AZIN2: variants seen among roughly 807,000 people sequenced by gnomAD.
The protein encoded by AZIN2 is ODC antizyme inhibitor-2.
In AZIN2, 28 loss-of-function variants were observed where a neutral mutation model predicts 47.8. The observed-to-expected ratio is 0.59, with a 90% confidence interval of 0.43 to 0.80. AZIN2 has a LOEUF of 0.80. AZIN2 is among the 30% of genes least tolerant of loss of function. The pLI is 0.00. For synonymous variants in AZIN2, 221 were observed against 239.4 expected (o/e 0.92, Z 0.71); for missense variants, 535 against 582.5 (o/e 0.92, Z 0.84).
the AZIN2 span, among the ~76,000 whole-genome samples, chr1:33,162,484 C>T: frequency 1.3e-5 from 2 of 152,216 alleles, no homozygotes; most frequent in Admixed American, 6.5e-5. Context: ...AGTAAGTGGG[C>T]CCCTGCTGGG....
the AZIN2 span, among the ~76,000 whole-genome samples, chr1:33,155,262 G>A: frequency 6.6e-6 from 1 of 151,766 alleles, no homozygotes; most frequent in African/African-American, 2.4e-5. Context: ...AGTAGAGACG[G>A]GGTTTCACCA....
At chr1:33,087,225 C>T (rs1021526877) in intron 5 of AZIN2, among the ~76,000 whole-genome samples, 2 of 151,854 alleles carry the variant, frequency 1.3e-5, no homozygotes, top group African/African-American at 4.8e-5. Flanking sequence ...CCTCCACCTC[C>T]CGGGTTCAAG....
chr1:33,127,770 C>A (rs1644867533), downstream of AZIN2, among the ~76,000 whole-genome samples: 2 of 152,208 alleles, frequency 1.3e-5, no homozygotes, highest in African/African-American at 4.8e-5. Flanking sequence ...ATATAAAGGT[C>A]TTTGAAATAA....
intron 10 of AZIN2, among the ~76,000 whole-genome samples, chr1:33,114,714 T>C (rs189547868): frequency 7.4e-6 from 1 of 134,482 alleles, no homozygotes; most frequent in Admixed American, 8.2e-5. Flanking sequence ...TGGAGTGCAA[T>C]GGCTGGATCT....
chr1:33,109,949 G>A (rs544144593), intron 10 of AZIN2, among the ~76,000 whole-genome samples: 1 of 152,256 alleles, frequency 6.6e-6, no homozygotes, highest in African/African-American at 2.4e-5. Flanking sequence ...GCTGAATCAT[G>A]GTAGCATTGA....
chr1:33,113,463 T>G lies in AZIN2; in HGVS notation c.1030-4439T>G, dbSNP rs546616986. On this transcript the variant is annotated intron_variant, in intron 10 of 11. Transcript: ENST00000294517. This position sits in a 1 kb window ranked among gnomAD's most constrained non-coding sequence, Gnocchi z 4.1. ...AACCACACCCACCCCCTTAAGATTT[T>G]CCAGGTGGGCAAATACGTTATCTGC... Among the ~76,000 whole-genome samples the G allele has an allele frequency of 3.3e-5, 5 of 152,314 alleles. No individual in the cohort carries two copies. In the South Asian group the frequency reaches 8.3e-4, roughly 25 times the overall value.
At chr1:33,110,819 A>G (rs1644253756) in intron 10 of AZIN2, among the ~76,000 whole-genome samples, 1 of 152,364 alleles carries the variant, frequency 6.6e-6, no homozygotes, top group East Asian at 1.9e-4. Flanking sequence ...TTGAACAGGG[A>G]AATTTTAACA....
the AZIN2 span, among the ~76,000 whole-genome samples, chr1:33,135,952 G>A: frequency 2.9e-5 from 4 of 137,184 alleles, no homozygotes; most frequent in Admixed American, 2.9e-4. Flanking sequence ...CCACCCTGCC[G>A]GTAATGTATT....
chr1:33,136,061 C>T, the AZIN2 span, among the ~76,000 whole-genome samples: 3 of 152,014 alleles, frequency 2.0e-5, no homozygotes, highest in Admixed American at 2.0e-4. Context: ...CTCTTCTTGA[C>T]TGCCCCCATC....
chr1:33,117,869 G>C, intron 10 of AZIN2, 33 bp from the exon 11 acceptor site: 2 of 1,612,460 alleles, frequency 1.2e-6, no homozygotes, highest in Non-Finnish European at 1.7e-6. Context: ...GTATGCCCAG[G>C]AGAGCTGGCA....
Position 33,092,126 on chromosome 1 carries a change from C to A in AZIN2, c.356C>A (p.Ala119Glu). Reference protein sequence around the residue: ...IICANPCKQIAQIKYAAKHGI... With the variant: ...IICANPCKQIEQIKYAAKHGI... Reference sequence around the variant, plus strand: ...TGCGCCAACCCCTGTAAGCAAATTGCACAGATCAAATATGCTGCCAAGCAT... The same window carrying A: ...TGCGCCAACCCCTGTAAGCAAATTGAACAGATCAAATATGCTGCCAAGCAT... The change falls in exon 6 of 12, where the codon GCA becomes GAA. Residue 119 changes from alanine (A) to glutamate (E), a missense_variant. Around this residue, in one of 3 missense-constraint regions of AZIN2, gnomAD observed 409 missense variants for 429.0 expected, o/e 0.95. Transcript: ENST00000294517. The A allele has an allele frequency of 6.2e-7, 1 of 1,614,188 alleles. No homozygotes were observed. Among genetic ancestry groups the A allele is most frequent in the South Asian group, 1.1e-5 (1 of 91,090 alleles).
At chr1:33,084,328 A>G (rs1394685312) in intron 5 of AZIN2, among the ~76,000 whole-genome samples, 5 of 152,104 alleles carry the variant, frequency 3.3e-5, no homozygotes, top group African/African-American at 4.8e-5. Flanking sequence ...GAAGTTCCAG[A>G]TTGGAATCTT....
downstream of AZIN2, among the ~76,000 whole-genome samples, chr1:33,128,292 G>T (rs1226473194): frequency 6.6e-6 from 1 of 151,800 alleles, no homozygotes; most frequent in Non-Finnish European, 1.5e-5. Flanking sequence ...GAGGAGGATT[G>T]CTTGAGCCTG....
intron 10 of AZIN2, among the ~76,000 whole-genome samples, chr1:33,116,565 C>T (rs1644551193): frequency 6.6e-6 from 1 of 152,102 alleles, no homozygotes; most frequent in Non-Finnish European, 1.5e-5. Context: ...TGAATAAGCA[C>T]CTAATGGATG....
downstream of AZIN2, among the ~76,000 whole-genome samples, chr1:33,126,922 G>A (rs1188450401): frequency 2.0e-5 from 3 of 152,158 alleles, no homozygotes; most frequent in Non-Finnish European, 2.9e-5. Context: ...TGGGCATCCT[G>A]CATTTTATTT....
At chr1:33,094,462 G>A in intron 7 of AZIN2, 86 bp from the exon 8 acceptor site, 1 of 1,396,870 alleles carries the variant, frequency 7.2e-7, no homozygotes, top group South Asian at 1.3e-5. Context: ...TGTCTCATGT[G>A]CCTGCCCAAT....
intron 10 of AZIN2, among the ~76,000 whole-genome samples, chr1:33,114,673 T>TTTTTA (rs1644452710): frequency 7.1e-6 from 1 of 140,330 alleles, no homozygotes; most frequent in African/African-American, 2.7e-5. Flanking sequence ...TTTTTTTTTT[T>TTTTTA]GAGATGGAGT....
rs1238125957 is a variant in AZIN2 at position 33,081,697 on chromosome 1, C to T, written c.-188C>T. The T allele has an allele frequency of 4.7e-5, 8 of 171,914 alleles. No individual in the cohort carries two copies. Among genetic ancestry groups the T allele is most frequent in the South Asian group, 1.2e-4 (1 of 8,446 alleles). The allele number at this position is 171,914 out of a possible 1,614,324, so 10.6% of individuals were successfully genotyped here. A position where few individuals can be genotyped will look rare whatever the true frequency, so the allele number is the denominator to read the frequency against. Reference sequence around the variant, plus strand: ...CAGCCCCCATTTACAATTGGGGAAACTGCGGCTCCGAAAGGGTCAGAGGGT... The same window carrying T: ...CAGCCCCCATTTACAATTGGGGAAATTGCGGCTCCGAAAGGGTCAGAGGGT... On this transcript the variant is annotated 5_prime_UTR_variant, in exon 3 of 12. Transcript: ENST00000294517. The surrounding 1 kb of genome is among the most constrained non-coding windows in gnomAD (Gnocchi z 4.2).
At chr1:33,162,215 C>T in the AZIN2 span, among the ~76,000 whole-genome samples, 2 of 152,194 alleles carry the variant, frequency 1.3e-5, no homozygotes, top group African/African-American at 2.4e-5. Context: ...ATGCTGAACT[C>T]TTTAGTCTGG....
Sources: allele counts gnomAD v4.1 joint callset (sites outside exome capture counted in the v4.1 genomes callset), GRCh38; gene constraint gnomAD v4.1.1; regional missense constraint gnomAD v4.1.1; non-coding constraint Gnocchi (gnomAD v3.1); transcripts MANE v1.5; gene names NCBI Gene and HGNC (gene_info 2026-07-23, HGNC 2026-07-21).